C6orf62: variants seen among roughly 807,000 people sequenced by gnomAD.
C6orf62 encodes chromosome 6 open reading frame 62.
C6orf62 carries 16 observed loss-of-function variants against 26.8 expected under a neutral mutation model. The observed-to-expected ratio is 0.60, with a 90% confidence interval of 0.40 to 0.91. The LOEUF is 0.91. Ranked by LOEUF, C6orf62 falls within the 40% of genes least tolerant of loss-of-function variation. The pLI, the probability that C6orf62 is intolerant of heterozygous loss-of-function variation, is 0.00. For synonymous variants in C6orf62, 112 were observed against 91.5 expected (o/e 1.22, Z -1.28); for missense variants, 192 against 271.4 (o/e 0.71, Z 2.06).
intron 3 of C6orf62, among the ~76,000 whole-genome samples, chr6:24,712,616 A>G (rs1378358415): frequency 6.7e-6 from 1 of 149,028 alleles, no homozygotes; most frequent in Non-Finnish European, 1.5e-5. Flanking sequence ...CAGAGGTTGC[A>G]AGGAGGAGGA....
chr6:24,717,902 C>A (rs1349317823), intron 1 of C6orf62, among the ~76,000 whole-genome samples: 3 of 152,278 alleles, frequency 2.0e-5, no homozygotes, highest in East Asian at 3.9e-4. Context: ...TATTTAACTG[C>A]GGAACTAATT....
In C6orf62 at chr6:24,718,693, C is replaced by G. The variant is rs887995086; in HGVS notation, c.-25G>C. On this transcript the variant is annotated 5_prime_UTR_variant, in exon 1 of 5. Transcript: ENST00000378119. Reference sequence around the variant, plus strand: ...TTTTGAAATACAGGTGGTACTAAAGCCTTTGGAAATTGTCACTAAACTATG... The same window carrying G: ...TTTTGAAATACAGGTGGTACTAAAGGCTTTGGAAATTGTCACTAAACTATG... 4.3e-6 allele frequency: 7 copies of G among 1,610,898 alleles called. No individual in the cohort carries two copies. In the African/African-American group the frequency reaches 5.4e-5, roughly 12 times the overall value.
intron 3 of C6orf62, among the ~76,000 whole-genome samples, chr6:24,713,351 T>C (rs1342319659): frequency 1.3e-5 from 2 of 152,208 alleles, no homozygotes; most frequent in Non-Finnish European, 2.9e-5. Context: ...TCTTAAAACA[T>C]TAAAAATGAT....
At chr6:24,708,617 C>A (rs1461662547) in intron 4 of C6orf62, among the ~76,000 whole-genome samples, 160 bp downstream of exon 4, 2 of 152,208 alleles carry the variant, frequency 1.3e-5, no homozygotes, top group Admixed American at 6.5e-5. Flanking sequence ...GGATTACAGG[C>A]ATGAGCCACC....
chr6:24,716,121 C>G (rs1175644717), intron 2 of C6orf62, 27 bp downstream of exon 2: 1 of 1,597,370 alleles, frequency 6.3e-7, no homozygotes. Flanking sequence ...GAAACTTTAT[C>G]AAGTCAAGAC....
intron 3 of C6orf62, among the ~76,000 whole-genome samples, chr6:24,713,140 T>C (rs1223734070): frequency 6.6e-6 from 1 of 152,232 alleles, no homozygotes; most frequent in African/African-American, 2.4e-5. Flanking sequence ...CTTTTGAACT[T>C]ACAACAATTC....
chr6:24,718,310 A>G (rs1313496247), intron 1 of C6orf62, among the ~76,000 whole-genome samples: 2 of 152,198 alleles, frequency 1.3e-5, no homozygotes, highest in Non-Finnish European at 1.5e-5. Flanking sequence ...ACTACTACTA[A>G]GCTTCAGACT....
At chr6:24,707,643 G>A (rs1562167486) in intron 4 of C6orf62, among the ~76,000 whole-genome samples, 1 of 152,088 alleles carries the variant, frequency 6.6e-6, no homozygotes. Context: ...GAGACACTGT[G>A]CCCAAATGGA....
intron 1 of C6orf62, among the ~76,000 whole-genome samples, chr6:24,717,659 G>C (rs1484731358): frequency 6.6e-6 from 1 of 152,074 alleles, no homozygotes; most frequent in African/African-American, 2.4e-5. Flanking sequence ...AAACAGTAGG[G>C]GGAAACCTGG....
At chr6:24,712,733 C>A (rs1217017918) in intron 3 of C6orf62, among the ~76,000 whole-genome samples, 1 of 149,296 alleles carries the variant, frequency 6.7e-6, no homozygotes, top group Non-Finnish European at 1.5e-5. Flanking sequence ...ACAGTCAACT[C>A]TCAATAAACA....
rs2127631443 is a variant in C6orf62 at position 24,705,862 on chromosome 6, GTCCTT to G, written c.*270_*274del. On this transcript the variant is annotated 3_prime_UTR_variant, in exon 5 of 5. Coordinates refer to ENST00000378119, the MANE Select transcript of C6orf62 (RefSeq NM_030939.5). The stretch of plus-strand genomic sequence containing the variant: ...CATTTAAGCATTTCAGTGTACAATA[GTCCTT>G]TCATTTCACATTTTTAGTAAGATAC... The G allele has an allele frequency of 3.2e-6, 1 of 312,178 alleles. No homozygotes were observed. Among genetic ancestry groups the G allele is most frequent in the South Asian group, 5.3e-5 (1 of 18,990 alleles). The allele number at this position is 312,178 out of a possible 1,614,324, so 19.3% of individuals were successfully genotyped here.
rs776643289 is a variant in C6orf62 at position 24,714,392 on chromosome 6, T to G, written c.355A>C (p.Asn119His). 6.2e-7 allele frequency: 1 copy of G among 1,611,782 alleles called. No homozygotes were observed. ...QEMDFILWPR[N>H]DIEKIVCLLF... ...AGACAGACGATTTTTTCAATATCAT[T>G]CCGAGGCCAAAGAATGAAATCCATC... The change falls in exon 3 of 5, where the codon AAT (asparagine) becomes CAT (histidine). Residue 119 changes from asparagine to histidine, a missense_variant. Asn to His is a moderately conservative substitution (Grantham distance 68, BLOSUM62 1). Transcript: ENST00000378119.
intron 3 of C6orf62, chr6:24,709,319 C>T (rs1469607665): frequency 1.0e-6 from 1 of 985,242 alleles, no homozygotes; most frequent in Admixed American, 6.2e-5. Flanking sequence ...TATTTTCAAA[C>T]CTACTCAGTC....
intron 3 of C6orf62, chr6:24,710,172 T>C (rs1065364): frequency 1.0e-6 from 1 of 980,994 alleles, no homozygotes; most frequent in Non-Finnish European, 1.2e-6. Context: ...AGGGGCTTAT[T>C]ATACTGCTGA....
chr6:24,708,907 T>G lies in C6orf62; in HGVS notation c.434A>C (p.Lys145Thr). Reference protein sequence around the residue: ...SDEPFRPVQAKFEFHHGDYEK... With the variant: ...SDEPFRPVQATFEFHHGDYEK... The stretch of plus-strand genomic sequence containing the variant: ...ATAGTCACCATGATGAAACTCAAAT[T>G]TGGCCTAATTACAAAATACAACATT... The change falls in exon 4 of 5, where the codon AAA becomes ACA. Residue 145 changes from lysine (K) to threonine (T), a missense_variant. Coordinates refer to ENST00000378119, the MANE Select transcript of C6orf62 (RefSeq NM_030939.5). 1 of 1,613,992 alleles carries G rather than the reference T, an allele frequency of 6.2e-7. No individual in the cohort carries two copies.
In C6orf62 at chr6:24,710,872, G is replaced by A. The variant is rs147789499; in HGVS notation, c.430-1961C>T. On this transcript the variant is annotated intron_variant, in intron 3 of 4. Coordinates refer to ENST00000378119, the MANE Select transcript of C6orf62 (RefSeq NM_030939.5). ...GTTGGGCATGGGGTGCACACCTGTGGTCCCAGCTACTCATGAGGTTGAGGT... is the reference window on the plus strand; with the variant it reads ...GTTGGGCATGGGGTGCACACCTGTGATCCCAGCTACTCATGAGGTTGAGGT... 7.0e-3 allele frequency among the ~76,000 whole-genome samples: 1,071 copies of A among 152,032 alleles called. 3 individuals are homozygous for A. The highest frequency in any genetic ancestry group is 0.01 in the Admixed American group (156 of 15,278).
intron 1 of C6orf62, among the ~76,000 whole-genome samples, chr6:24,716,911 A>G (rs1779245446): frequency 6.6e-6 from 1 of 151,958 alleles, no homozygotes; most frequent in Non-Finnish European, 1.5e-5. Context: ...TTCAGTAGAG[A>G]CAGGGTTTCA....
Position 24,704,944 on chromosome 6 carries a change from T to G in C6orf62, c.*1193A>C, listed in dbSNP as rs1200923930. The G allele has an allele frequency of 1.3e-5, 2 of 152,346 alleles. No individual in the cohort carries two copies. Among genetic ancestry groups the G allele is most frequent in the African/African-American group, 4.8e-5 (2 of 41,404 alleles). 9.4% of individuals were successfully genotyped at this position (152,346 alleles called of 1,614,324 possible). ...TTCTTTTTTTCTTTTTTTTTCAAAT[T>G]CCAACCAGAAGCTAAATACAATTGG... is the stretch of plus-strand genomic sequence containing the variant. On this transcript the variant is annotated 3_prime_UTR_variant, in exon 5 of 5. Coordinates refer to ENST00000378119, the MANE Select transcript of C6orf62 (RefSeq NM_030939.5).
chr6:24,714,462 AAAAG>A, intron 2 of C6orf62, 22 bp from the exon 3 acceptor site: 1 of 1,551,384 alleles, frequency 6.4e-7, no homozygotes, highest in Non-Finnish European at 8.7e-7. Flanking sequence ...TTAAAAAAAA[AAAAG>A]TTTACTTTTA....
Sources: allele counts gnomAD v4.1 joint callset (sites outside exome capture counted in the v4.1 genomes callset), GRCh38; gene constraint gnomAD v4.1.1; transcripts MANE v1.5; gene names NCBI Gene and HGNC (gene_info 2026-07-23, HGNC 2026-07-21).